RARRES1: variants seen among roughly 807,000 people sequenced by gnomAD.
The protein encoded by RARRES1 is retinoic acid receptor responder 1, also known as retinoic acid receptor responder protein 1.
Under a neutral mutation model 30.6 loss-of-function variants are expected in RARRES1, and 34 were observed. That is an observed-to-expected ratio of 1.11 (90% CI 0.84 to 1.48). The LOEUF is 1.48. Ranked by LOEUF, RARRES1 falls within the 40% of genes most tolerant of loss-of-function variation. The pLI is 0.00. For synonymous variants in RARRES1, 153 were observed against 155.5 expected (o/e 0.98, Z 0.12); for missense variants, 373 against 386.5 (o/e 0.97, Z 0.29).
intron 1 of RARRES1, among the ~76,000 whole-genome samples, chr3:158,719,134 G>A (rs1727417986): frequency 1.3e-5 from 2 of 152,068 alleles, no homozygotes; most frequent in East Asian, 3.9e-4. Flanking sequence ...CCATATGACT[G>A]TATAACCTGA....
At position 158,732,403 on chromosome 3, in the gene RARRES1, G is replaced by T; in HGVS notation, c.13C>A (p.Arg5=). 6.6e-7 allele frequency: 1 copy of T among 1,510,330 alleles called. No individual in the cohort carries two copies. 93.6% of individuals were successfully genotyped at this position (1,510,330 alleles called of 1,614,324 possible). A position where few individuals can be genotyped will look rare whatever the true frequency, so the allele number is the denominator to read the frequency against. The change falls in exon 1 of 6, where the codon CGG becomes AGG. Residue 5 remains arginine (R), a synonymous_variant. Coordinates refer to ENST00000237696, the MANE Select transcript of RARRES1 (RefSeq NM_206963.2). MQPR[R]QRLPAPWSGP... ...GACCAGGGAGCAGGCAGCCGTTGCC[G>T]GCGGGGCTGCATGGACGCAGGAAAG...
intron 1 of RARRES1, among the ~76,000 whole-genome samples, chr3:158,728,151 A>G (rs1256168862): frequency 6.6e-6 from 1 of 151,954 alleles, no homozygotes; most frequent in Admixed American, 6.6e-5. Flanking sequence ...ATTTGGAGAC[A>G]CTACTTACCC....
rs930852322 is a variant in RARRES1, at chr3:158,729,743, C to T, written c.276+2397G>A. ...CTGAGATTACAGGCGTGAGCCACCG[C>T]GCCCAGCCTATTATTCCTTTTTAAA... On this transcript the variant is annotated intron_variant, in intron 1 of 5. Transcript: ENST00000237696. 2.6e-5 allele frequency among the ~76,000 whole-genome samples: 4 copies of T among 151,956 alleles called. 1 individual carries two copies. Among genetic ancestry groups the T allele is most frequent in the African/African-American group, 4.8e-5 (2 of 41,374 alleles).
intron 1 of RARRES1, among the ~76,000 whole-genome samples, chr3:158,726,046 G>C (rs1727673342): frequency 6.6e-6 from 1 of 152,150 alleles, no homozygotes; most frequent in Non-Finnish European, 1.5e-5. Flanking sequence ...GCCTATAAAA[G>C]CCCTTAGGAG....
At chr3:158,709,100 C>G (rs1325152434) in intron 3 of RARRES1, among the ~76,000 whole-genome samples, 1 of 152,182 alleles carries the variant, frequency 6.6e-6, no homozygotes, top group Admixed American at 6.5e-5. Context: ...GCAAAACTTA[C>G]AAGTTTTTCG....
intron 1 of RARRES1, among the ~76,000 whole-genome samples, chr3:158,726,900 C>T (rs979678281): frequency 1.3e-5 from 2 of 152,100 alleles, no homozygotes; most frequent in Non-Finnish European, 2.9e-5. Flanking sequence ...GGAGGTGGGT[C>T]CTTCATGAAT....
rs142853934 is a variant in RARRES1, at chr3:158,732,228, G to A, written c.188C>T (p.Ala63Val). Residue 63 changes from alanine to valine, a missense_variant, in exon 1 of 6, where the codon GCG (alanine) becomes GTG (valine). Transcript: ENST00000237696. ...GTTGAAGAAGTGAAGCGCCGCGCGC[G>A]CCGCCTGCTGCAGGAGCCTGCGCGG... ...GVPRRLLQQAARAALHFFNFR... is the reference protein window; with the variant it reads ...GVPRRLLQQAVRAALHFFNFR... 1 of 1,400,408 alleles carries A rather than the reference G, an allele frequency of 7.1e-7. No individual in the cohort carries two copies. The highest frequency in any genetic ancestry group is 9.2e-7 in the Non-Finnish European group (1 of 1,084,324). 86.7% of individuals were successfully genotyped at this position (1,400,408 alleles called of 1,614,324 possible). A position where few individuals can be genotyped will look rare whatever the true frequency, so the allele number is the denominator to read the frequency against.
At position 158,721,563 on chromosome 3, in the gene RARRES1, G is replaced by A. The variant is rs113590795; in HGVS notation, c.277-7704C>T. Among the ~76,000 whole-genome samples, 613 of 152,306 alleles carry A rather than the reference G, an allele frequency of 4.0e-3. 4 individuals are homozygous for A. The highest frequency in any genetic ancestry group is 0.014 in the African/African-American group (594 of 41,568). On this transcript the variant is annotated intron_variant, in intron 1 of 5. Coordinates refer to ENST00000237696, the MANE Select transcript of RARRES1 (RefSeq NM_206963.2). ...AGATGACAATCACTAGGATACAGCT[G>A]ACCACTAAATAGGAGATTGACGCCG...
intron 1 of RARRES1, among the ~76,000 whole-genome samples, chr3:158,720,895 ACT>A (rs1727493147): frequency 1.3e-5 from 2 of 151,982 alleles, no homozygotes; most frequent in East Asian, 3.9e-4. Context: ...ATCTTCAAAG[ACT>A]CTGTTTACAC....
intron 1 of RARRES1, among the ~76,000 whole-genome samples, chr3:158,728,418 GA>G (rs1727759353): frequency 4.6e-5 from 7 of 152,050 alleles, no homozygotes; most frequent in Non-Finnish European, 1.0e-4. Flanking sequence ...ATGGATGATA[GA>G]CATTGTGCAG....
At chr3:158,700,308 C>A (rs1576806786) in intron 4 of RARRES1, among the ~76,000 whole-genome samples, 3 of 151,640 alleles carry the variant, frequency 2.0e-5, no homozygotes, top group Admixed American at 6.6e-5. Context: ...TTGAAAATGG[C>A]ATTTCTGAAG....
chr3:158,725,515 T>C (rs1576823662), intron 1 of RARRES1, among the ~76,000 whole-genome samples: 1 of 152,318 alleles, frequency 6.6e-6, no homozygotes, highest in East Asian at 1.9e-4. Flanking sequence ...TTAACAGTCA[T>C]GACCCACCAC....
rs1360271581 is a variant in RARRES1, at chr3:158,732,227, C to A, written c.189G>T (p.Ala63=). Residue 63 remains alanine, a synonymous_variant, in exon 1 of 6, where the codon GCG becomes GCT. Coordinates refer to ENST00000237696, the MANE Select transcript of RARRES1 (RefSeq NM_206963.2). ...AGTTGAAGAAGTGAAGCGCCGCGCG[C>A]GCCGCCTGCTGCAGGAGCCTGCGCG... ...GVPRRLLQQA[A]RAALHFFNFR... The A allele has an allele frequency of 7.1e-7, 1 of 1,402,948 alleles. No homozygotes were observed. Among genetic ancestry groups the A allele is most frequent in the Non-Finnish European group, 9.2e-7 (1 of 1,085,440 alleles). The allele number at this position is 1,402,948 out of a possible 1,614,324, so 86.9% of individuals were successfully genotyped here.
At chr3:158,728,602 C>T (rs932320321) in intron 1 of RARRES1, among the ~76,000 whole-genome samples, 2 of 150,546 alleles carry the variant, frequency 1.3e-5, no homozygotes, top group African/African-American at 2.5e-5. Context: ...TTGCTCACTG[C>T]AACCTCTGCC....
intron 4 of RARRES1, among the ~76,000 whole-genome samples, chr3:158,698,630 A>G (rs573919149): frequency 1.1e-3 from 162 of 148,624 alleles, no homozygotes; most frequent in Non-Finnish European, 2.2e-3. Context: ...GTTTCTGTAC[A>G]TTTTACTAGT....
intron 1 of RARRES1, among the ~76,000 whole-genome samples, chr3:158,720,341 G>A (rs1295162100): frequency 2.7e-5 from 4 of 149,310 alleles, no homozygotes. Flanking sequence ...GGTCCCTGTG[G>A]ACAAGAACCA....
rs1456438677 is a variant in RARRES1, at chr3:158,697,898, T to C, written c.735+10A>G. 1 of 1,559,010 alleles carries C rather than the reference T, an allele frequency of 6.4e-7. No individual in the cohort carries two copies. The highest frequency in any genetic ancestry group is 1.1e-5 in the South Asian group (1 of 89,270). ...GTAAAAACAATTCTACATACAATGT[T>C]ATGTTTTACCTGTGTTGATAATTCA... On this transcript the variant is annotated intron_variant, in intron 5 of 5. Transcript: ENST00000237696.
chr3:158,712,815 C>T (rs2108140596), intron 2 of RARRES1, among the ~76,000 whole-genome samples: 1 of 152,316 alleles, frequency 6.6e-6, no homozygotes, highest in South Asian at 2.1e-4. Context: ...TCACTCTGTT[C>T]TTAATGCATC....
Position 158,697,375 on chromosome 3 carries a change from T to A in RARRES1, c.*303A>T. 1 of 223,872 alleles carries A rather than the reference T, an allele frequency of 4.5e-6. No homozygotes were observed. The highest frequency in any genetic ancestry group is 8.6e-6 in the Non-Finnish European group (1 of 115,650). The allele number at this position is 223,872 out of a possible 1,614,324, so 13.9% of individuals were successfully genotyped here. A position where few individuals can be genotyped will look rare whatever the true frequency, so the allele number is the denominator to read the frequency against. ...TCATTTTTTGCAGTTAAAAAAAAAATGCTGATTCTGGTGCAACATACACTG... is the reference window on the plus strand; with the variant it reads ...TCATTTTTTGCAGTTAAAAAAAAAAAGCTGATTCTGGTGCAACATACACTG... On this transcript the variant is annotated 3_prime_UTR_variant, in exon 6 of 6. Transcript: ENST00000237696.
Sources: allele counts gnomAD v4.1 joint callset (sites outside exome capture counted in the v4.1 genomes callset), GRCh38; gene constraint gnomAD v4.1.1; transcripts MANE v1.5; gene names NCBI Gene and HGNC (gene_info 2026-07-23, HGNC 2026-07-21).